Variants in PNPLA1 observed in about 807,000 individuals in gnomAD.
PNPLA1 encodes the protein omega-hydroxyceramide transacylase.
PNPLA1 carries 36 observed loss-of-function variants against 51.7 expected under a neutral mutation model. The observed-to-expected ratio is 0.70, with a 90% CI of 0.53 to 0.92. The LOEUF (loss-of-function observed/expected upper bound fraction) is 0.92, where lower values mean the gene tolerates loss of function less well. Among genes scored for constraint, PNPLA1 ranks in the 40% least tolerant of loss-of-function variants. The probability of loss-of-function intolerance (pLI) is 0.00; values close to 1 mark genes in which losing one functional copy is unlikely to be tolerated. For synonymous variants in PNPLA1, 293 were observed against 280.1 expected (o/e 1.05, Z -0.46); for missense variants, 658 against 682.5 (o/e 0.96, Z 0.40).
chr6:36,311,134 C>T (rs992418921), intron 8 of PNPLA1, among the ~76,000 whole-genome samples: 43 of 152,290 alleles, frequency 2.8e-4, no homozygotes, highest in Middle Eastern at 3.4e-3. Context: ...TGGGGCCCAG[C>T]GGTGTGTATT....
intron 1 of PNPLA1, among the ~76,000 whole-genome samples, chr6:36,253,267 A>C (rs1231423672): frequency 6.6e-6 from 1 of 152,096 alleles, no homozygotes; most frequent in Non-Finnish European, 1.5e-5. Flanking sequence ...AAATATGGCT[A>C]CTCAACATAG....
At chr6:36,279,155 C>G (rs189972788) in intron 1 of PNPLA1, among the ~76,000 whole-genome samples, 1 of 152,174 alleles carries the variant, frequency 6.6e-6, no homozygotes, top group African/African-American at 2.4e-5. Context: ...TCCCTCTGGA[C>G]GGGAAACAGG....
intron 1 of PNPLA1, among the ~76,000 whole-genome samples, chr6:36,271,520 G>A (rs1240371455): frequency 1.3e-5 from 2 of 152,242 alleles, no homozygotes; most frequent in African/African-American, 4.8e-5. Flanking sequence ...ACCTTCTAGT[G>A]TGAGGTCGGG....
intron 1 of PNPLA1, among the ~76,000 whole-genome samples, chr6:36,275,193 A>T (rs1770052038): frequency 6.6e-6 from 1 of 151,974 alleles, no homozygotes; most frequent in Admixed American, 6.6e-5. Flanking sequence ...ATCCTCCTGC[A>T]TCAGCCTCCT....
chr6:36,249,828 A>G (rs1769382758), intron 1 of PNPLA1, among the ~76,000 whole-genome samples: 1 of 152,220 alleles, frequency 6.6e-6, no homozygotes, highest in Non-Finnish European at 1.5e-5. Context: ...TATGTAAAAC[A>G]GAGATTGATA....
intron 1 of PNPLA1, among the ~76,000 whole-genome samples, chr6:36,282,092 G>GAAAGAAAGAAAGAAAGAAAGAAAA (rs59914317): frequency 4.9e-5 from 2 of 40,718 alleles, no homozygotes; most frequent in African/African-American, 2.3e-4. Context: ...AAAGAAAGAA[G>GAAAGAAAGAAAGAAAGAAAGAAAA]GAAGGAAGGA....
Position 36,270,539 on chromosome 6 carries a change from A to G in PNPLA1, c.80A>G (p.Tyr27Cys). Residue 27 changes from tyrosine to cysteine, a missense_variant, in exon 1 of 9, where the codon TAC (tyrosine) becomes TGC (cysteine). By Grantham distance (194) the Tyr-to-Cys change is radical. Coordinates refer to ENST00000636260, the MANE Select transcript of PNPLA1 (RefSeq NM_001374623.1). ...SFSGSGFLSFYQAGAVDALRD... is the reference protein window; with the variant it reads ...SFSGSGFLSFCQAGAVDALRD... ...TCGGGCAGTGGATTCCTCTCCTTCT[A>G]CCAGGCGGGGGCTGTGGACGCCCTG... The G allele has an allele frequency of 6.4e-7, 1 of 1,551,574 alleles. No homozygotes were observed. Among genetic ancestry groups the G allele is most frequent in the Non-Finnish European group, 8.7e-7 (1 of 1,146,994 alleles).
chr6:36,303,838 T>A (rs887502058), intron 6 of PNPLA1, among the ~76,000 whole-genome samples: 3 of 152,066 alleles, frequency 2.0e-5, no homozygotes, highest in Admixed American at 6.6e-5. Flanking sequence ...ATTTAAAAAA[T>A]ATATATATAT....
chr6:36,288,626 T>C (rs1357803669), intron 1 of PNPLA1, among the ~76,000 whole-genome samples: 3 of 151,642 alleles, frequency 2.0e-5, no homozygotes, highest in African/African-American at 2.4e-5. Context: ...CTAATTTTTT[T>C]TTTTTGTATT....
chr6:36,270,770 T>C, intron 1 of PNPLA1, 106 bp downstream of exon 1: 1 of 1,320,810 alleles, frequency 7.6e-7, no homozygotes, highest in Non-Finnish European at 1.0e-6. Context: ...AAGCCAGGCC[T>C]GGGTGGCAGG....
Position 36,301,959 on chromosome 6 carries a change from C to T in PNPLA1, c.874C>T (p.Arg292Cys), listed in dbSNP as rs776818332. ...ELALGNECPERSQPSLRARQA... is the reference protein window; with the variant it reads ...ELALGNECPECSQPSLRARQA... Reference sequence around the variant, plus strand: ...CGCCCTTGGCAATGAGTGCCCTGAACGCAGTCAACCAAGCCTTCGAGCACG... The same window carrying T: ...CGCCCTTGGCAATGAGTGCCCTGAATGCAGTCAACCAAGCCTTCGAGCACG... Residue 292 changes from arginine to cysteine, a missense_variant, in exon 6 of 9, where the codon CGC becomes TGC. Transcript: ENST00000636260. 24 of 1,614,088 alleles carry T rather than the reference C, an allele frequency of 1.5e-5. No individual in the cohort carries two copies. The highest frequency in any genetic ancestry group is 8.9e-5 in the East Asian group (4 of 44,890).
upstream of PNPLA1, among the ~76,000 whole-genome samples, chr6:36,265,332 ACT>A (rs1391806547): frequency 6.6e-6 from 1 of 151,876 alleles, no homozygotes; most frequent in Non-Finnish European, 1.5e-5. Context: ...CAAAAGCGAA[ACT>A]CTGTCTCAAA....
chr6:36,306,391 C>T lies in PNPLA1; in HGVS notation c.1469+15C>T, dbSNP rs1359549557. On this transcript the variant is annotated intron_variant, in intron 7 of 8. Coordinates refer to ENST00000636260, the MANE Select transcript of PNPLA1 (RefSeq NM_001374623.1). ...CCTTATGTAACGTAAGTTTCCCCTTCGTGGAGCACGCTCTTTCCTTTGGAC... is the reference window on the plus strand; with the variant it reads ...CCTTATGTAACGTAAGTTTCCCCTTTGTGGAGCACGCTCTTTCCTTTGGAC... The T allele has an allele frequency of 4.4e-6, 7 of 1,598,268 alleles. No individual in the cohort carries two copies. Among genetic ancestry groups the T allele is most frequent in the Non-Finnish European group, 6.0e-6 (7 of 1,170,414 alleles).
Position 36,301,900 on chromosome 6 carries a change from T to TC in PNPLA1, c.820dup (p.Arg274ProfsTer15), listed in dbSNP as rs1170446813. 4 of 1,614,046 alleles carry TC rather than the reference T, an allele frequency of 2.5e-6. No homozygotes were observed. Among genetic ancestry groups the TC allele is most frequent in the Admixed American group, 1.7e-5 (1 of 60,004 alleles). On this transcript the variant is annotated frameshift_variant, in exon 6 of 9. Coordinates refer to ENST00000636260, the MANE Select transcript of PNPLA1 (RefSeq NM_001374623.1). LOFTEE classifies it high-confidence loss of function. ...AATTCTTCCTCCAAGAGAGTGATTT[T>TC]CCCCCGGGTGGAAGTGTACTGCCAG...
chr6:36,257,831 C>A (rs1769562591), intron 1 of PNPLA1, among the ~76,000 whole-genome samples: 1 of 152,168 alleles, frequency 6.6e-6, no homozygotes, highest in African/African-American at 2.4e-5. Flanking sequence ...GAACTGTCTC[C>A]TGAATATTGC....
chr6:36,279,659 G>A (rs778868854), intron 1 of PNPLA1, among the ~76,000 whole-genome samples: 14 of 152,096 alleles, frequency 9.2e-5, no homozygotes, highest in African/African-American at 2.4e-4. Flanking sequence ...GACCCATCTC[G>A]CCCTTGGTTT....
chr6:36,287,475 G>A (rs1180919308), intron 1 of PNPLA1, among the ~76,000 whole-genome samples: 3 of 152,152 alleles, frequency 2.0e-5, no homozygotes, highest in Non-Finnish European at 4.4e-5. Flanking sequence ...CCTTGCTGTG[G>A]TTAGTGTGGG....
chr6:36,247,460 G>A (rs541200735), intron 1 of PNPLA1, among the ~76,000 whole-genome samples: 16 of 152,364 alleles, frequency 1.1e-4, no homozygotes, highest in African/African-American at 3.1e-4. Flanking sequence ...CCACCAGCAT[G>A]TTGACCCCAC....
At position 36,286,005 on chromosome 6, in the gene PNPLA1, A is replaced by G. The variant is rs555105756; in HGVS notation, c.206-5315A>G. On this transcript the variant is annotated intron_variant, in intron 1 of 8. Coordinates refer to ENST00000636260, the MANE Select transcript of PNPLA1 (RefSeq NM_001374623.1). ...CACACCTTGATAAGGATGTGGGGGC[A>G]GGGATCACTGTCTCCTGTTCAGATG... Among the ~76,000 whole-genome samples, 9 of 152,340 alleles carry G rather than the reference A, an allele frequency of 5.9e-5. No homozygotes were observed. In the South Asian group the frequency reaches 8.3e-4, roughly 14 times the overall value.
Sources: allele counts gnomAD v4.1 joint callset (sites outside exome capture counted in the v4.1 genomes callset), GRCh38; gene constraint gnomAD v4.1.1; transcripts MANE v1.5; gene names NCBI Gene and HGNC (gene_info 2026-07-23, HGNC 2026-07-21).